AGL: variants seen among roughly 807,000 people sequenced by gnomAD.
The protein encoded by AGL is glycogen debranching enzyme.
Under a neutral mutation model 199.3 loss-of-function variants are expected in AGL, and 128 were observed. That is an observed-to-expected ratio of 0.64 (90% CI 0.56 to 0.74). AGL has a LOEUF of 0.74. AGL is among the 30% of genes least tolerant of loss of function. The probability of loss-of-function intolerance (pLI) is 0.00; values close to 1 mark genes in which losing one functional copy is unlikely to be tolerated. For missense variants in AGL, 1,809 were observed against 1,820.8 expected (o/e 0.99, Z 0.12); for synonymous variants, 584 against 594.7 (o/e 0.98, Z 0.26).
chr1:99,902,172 CTGAG>C (rs141673830), intron 26 of AGL, among the ~76,000 whole-genome samples: 2,916 of 152,056 alleles, frequency 0.019, 33 homozygotes, highest in Non-Finnish European at 0.03. Flanking sequence ...AAATGTCATC[CTGAG>C]TATCACATTT....
In AGL at chr1:99,910,693, T is replaced by TAC; in HGVS notation, c.3701-15_3701-14dup. ...ATAATACTTATAAAATTTTATTTTATACACATTTTGTTTTTTAGGTTTTAA... is the reference window on the plus strand; with the variant it reads ...ATAATACTTATAAAATTTTATTTTATACACACATTTTGTTTTTTAGGTTTTAA... On this transcript the variant is annotated intron_variant, in intron 27 of 33. Transcript: ENST00000361915. 1 of 1,466,996 alleles carries TAC rather than the reference T, an allele frequency of 6.8e-7. No homozygotes were observed. Among genetic ancestry groups the TAC allele is most frequent in the Non-Finnish European group, 9.4e-7 (1 of 1,066,648 alleles). The allele number at this position is 1,466,996 out of a possible 1,614,324, so 90.9% of individuals were successfully genotyped here. A position where few individuals can be genotyped will look rare whatever the true frequency, so the allele number is the denominator to read the frequency against.
rs781588707 is a variant in AGL, at chr1:99,915,404, A to G, written c.4177A>G (p.Thr1393Ala). The G allele has an allele frequency of 5.6e-6, 9 of 1,613,944 alleles. No individual in the cohort carries two copies. The highest frequency in any genetic ancestry group is 7.6e-6 in the Non-Finnish European group (9 of 1,179,908). The change falls in exon 31 of 34, where the codon ACT becomes GCT. Residue 1393 changes from threonine (T) to alanine (A), a missense_variant. Transcript: ENST00000361915. ...IAMVVAPELF[T>A]TEKAWKALEI... Reference sequence around the variant, plus strand: ...CATTCACTAGGCCCCTGAGCTCTTTACTACAGAAAAAGCATGGAAAGCTTT... The same window carrying G: ...CATTCACTAGGCCCCTGAGCTCTTTGCTACAGAAAAAGCATGGAAAGCTTT...
intron 5 of AGL, among the ~76,000 whole-genome samples, chr1:99,867,587 C>T (rs573858450): frequency 3.3e-5 from 5 of 150,950 alleles, no homozygotes; most frequent in African/African-American, 9.7e-5. Flanking sequence ...ACGGAGTCTC[C>T]TTCTGTCGCC....
chr1:99,863,532 A>C (rs1208891139), intron 4 of AGL, among the ~76,000 whole-genome samples: 1 of 152,056 alleles, frequency 6.6e-6, no homozygotes, highest in East Asian at 1.9e-4. Context: ...GGCTCACTGC[A>C]AGCTCCGCCT....
At chr1:99,852,741 C>T in intron 2 of AGL, 1 of 780,198 alleles carries the variant, frequency 1.3e-6, no homozygotes, top group African/African-American at 1.7e-5. Context: ...TTCTACCTTT[C>T]TAGGTTTTGA....
chr1:99,901,020 GGTCTTTGCCTGAA>G (rs1207005643), intron 26 of AGL, among the ~76,000 whole-genome samples, 159 bp downstream of exon 26: 1 of 151,524 alleles, frequency 6.6e-6, no homozygotes, highest in East Asian at 1.9e-4. Flanking sequence ...ATAAGTGATT[GGTCTTTGCCTGAA>G]GAACTTTGCA....
intron 27 of AGL, among the ~76,000 whole-genome samples, chr1:99,910,477 G>C (rs1328661864): frequency 6.6e-6 from 1 of 152,086 alleles, no homozygotes; most frequent in East Asian, 1.9e-4. Flanking sequence ...GTGCACATAA[G>C]TAAGGGTTTC....
At chr1:99,880,948 G>GCTTTAAAAGCAATTAATTGC in intron 14 of AGL, 128 bp from the exon 15 acceptor site, 1 of 1,263,496 alleles carries the variant, frequency 7.9e-7, no homozygotes, top group Non-Finnish European at 1.1e-6. Flanking sequence ...TGTTTTACTT[G>GCTTTAAAAGCAATTAATTGC]TTTAAAAGCA....
In AGL at chr1:99,923,390, C is replaced by G. The variant is rs189840685; in HGVS notation, c.*1739C>G. ...GGTAGGAAAGGTAACAGAAAACCAGCATATTTAATCAAAGCAAGAAGTAAT... is the reference window on the plus strand; with the variant it reads ...GGTAGGAAAGGTAACAGAAAACCAGGATATTTAATCAAAGCAAGAAGTAAT... On this transcript the variant is annotated 3_prime_UTR_variant, in exon 34 of 34. Coordinates refer to ENST00000361915, the MANE Select transcript of AGL (RefSeq NM_000642.3). The G allele has an allele frequency of 6.6e-6, 1 of 152,232 alleles. No homozygotes were observed. Among genetic ancestry groups the G allele is most frequent in the East Asian group, 1.9e-4 (1 of 5,188 alleles). 9.4% of individuals were successfully genotyped at this position (152,232 alleles called of 1,614,324 possible).
At chr1:99,858,835 ATTAT>A (rs1260430826) in intron 2 of AGL, among the ~76,000 whole-genome samples, 1 of 151,902 alleles carries the variant, frequency 6.6e-6, no homozygotes. Flanking sequence ...TTATTTAAAT[ATTAT>A]TTATTTCATT....
rs1214482149 is a variant in AGL, at chr1:99,892,444, T to C, written c.3096T>C (p.Asn1032=). The C allele has an allele frequency of 6.2e-7, 1 of 1,613,598 alleles. No homozygotes were observed. The change falls in exon 24 of 34, where the codon AAT becomes AAC. Residue 1032 remains asparagine, a synonymous_variant. Transcript: ENST00000361915. ...ACTTTTGTTACAGCTTTGTTCAGAA[T>C]GGTTCAACCTTTGTGAAACACCTTT... ...AWKQMSSFVQ[N]GSTFVKHLSL... is the part of the protein sequence containing the mutation.
intron 12 of AGL, among the ~76,000 whole-genome samples, chr1:99,879,004 C>T (rs1047355523): frequency 9.9e-5 from 15 of 152,118 alleles, no homozygotes; most frequent in Non-Finnish European, 1.9e-4. Context: ...AATCTTTGTG[C>T]AAATGTTGTG....
chr1:99,855,466 G>T (rs1416913307), intron 2 of AGL, among the ~76,000 whole-genome samples: 2 of 152,076 alleles, frequency 1.3e-5, no homozygotes, highest in East Asian at 3.8e-4. Context: ...ACAAATCATA[G>T]CTTTTTCGCT....
intron 12 of AGL, among the ~76,000 whole-genome samples, chr1:99,878,441 A>T (rs947868954): frequency 6.6e-6 from 1 of 152,092 alleles, no homozygotes; most frequent in African/African-American, 2.4e-5. Context: ...TTTATTATTT[A>T]TAAAAATTAT....
chr1:99,886,322 T>G (rs1652450267), intron 20 of AGL, among the ~76,000 whole-genome samples: 1 of 151,898 alleles, frequency 6.6e-6, no homozygotes, highest in African/African-American at 2.4e-5. Flanking sequence ...CAAAACGTTT[T>G]AAAAAAATTA....
Position 99,879,003 on chromosome 1 carries a change from G to T in AGL, c.1612-920G>T, listed in dbSNP as rs563560564. Among the ~76,000 whole-genome samples, 5 of 152,204 alleles carry T rather than the reference G, an allele frequency of 3.3e-5. No individual in the cohort carries two copies. In the South Asian group the frequency reaches 6.2e-4, roughly 19 times the overall value. The stretch of plus-strand genomic sequence containing the variant: ...TTTCAAGTATTTTATTAATCTTTGT[G>T]CAAATGTTGTGTTTAACAGTTTGGA... On this transcript the variant is annotated intron_variant, in intron 12 of 33. Coordinates refer to ENST00000361915, the MANE Select transcript of AGL (RefSeq NM_000642.3).
rs2101127601 is a variant in AGL at position 99,875,147 on chromosome 1, G to A, written c.1083-7G>A. ...ATATTATATCTGCATTTCTCCATCT[G>A]CTCTAGCAAGGGGCCAGCAGCAATT... On this transcript the variant is annotated splice_region_variant and splice_polypyrimidine_tract_variant and intron_variant, in intron 8 of 33. Transcript: ENST00000361915. 6.2e-7 allele frequency: 1 copy of A among 1,611,066 alleles called. No individual in the cohort carries two copies. Among genetic ancestry groups the A allele is most frequent in the East Asian group, 2.2e-5 (1 of 44,826 alleles).
chr1:99,873,502 T>A (rs550994994), intron 7 of AGL, among the ~76,000 whole-genome samples: 1 of 151,186 alleles, frequency 6.6e-6, no homozygotes, highest in South Asian at 2.1e-4. Flanking sequence ...TGGTGTAATC[T>A]CCACTCACCA....
chr1:99,914,709 G>A (rs1006977468), intron 30 of AGL, among the ~76,000 whole-genome samples: 1 of 152,130 alleles, frequency 6.6e-6, no homozygotes, highest in African/African-American at 2.4e-5. Flanking sequence ...TATGGCCCCA[G>A]AAGCAAACAA....
Sources: gnomAD v4.1 joint callset for allele counts (sites outside exome capture counted in the v4.1 genomes callset) on GRCh38, gnomAD v4.1.1 for gene constraint, MANE v1.5 for transcripts, NCBI Gene and HGNC (gene_info 2026-07-23, HGNC 2026-07-21) for gene names.